The following SLC25A32 variants were observed in gnomAD, a reference collection of about 807,000 sequenced individuals.
The protein encoded by SLC25A32 is Glycine auxotroph B, complementation of hamster.
Under a neutral mutation model 39.0 loss-of-function variants are expected in SLC25A32, and 32 were observed. The ratio of observed to expected loss-of-function variants is 0.82; its 90% CI spans 0.62 to 1.10. SLC25A32 has a LOEUF of 1.10. Ranked by LOEUF, SLC25A32 falls within the 50% of genes least tolerant of loss-of-function variation. The pLI, the probability that SLC25A32 is intolerant of heterozygous loss-of-function variation, is 0.00. For synonymous variants in SLC25A32, 166 were observed against 152.4 expected (o/e 1.09, Z -0.66); for missense variants, 367 against 395.3 (o/e 0.93, Z 0.61).
intron 1 of SLC25A32, 67 bp downstream of exon 1, chr8:103,414,717 A>G (rs774888842): frequency 5.6e-5 from 89 of 1,600,516 alleles, no homozygotes; most frequent in Middle Eastern, 3.3e-4. Flanking sequence ...AGAACGGAAA[A>G]GACGGAGGAG....
intron 6 of SLC25A32, among the ~76,000 whole-genome samples, chr8:103,400,960 C>T (rs751005797): frequency 9.2e-5 from 14 of 152,106 alleles, no homozygotes; most frequent in Non-Finnish European, 1.5e-4. Flanking sequence ...GGAATACGGC[C>T]TAGAAATTTG....
chr8:103,399,593 C>G lies in SLC25A32; in HGVS notation c.*818G>C, dbSNP rs931550629. The G allele has an allele frequency of 3.3e-5, 5 of 152,196 alleles. No individual in the cohort carries two copies. Among genetic ancestry groups the G allele is most frequent in the Non-Finnish European group, 7.3e-5 (5 of 68,048 alleles). 9.4% of individuals were successfully genotyped at this position (152,196 alleles called of 1,614,324 possible). The stretch of plus-strand genomic sequence containing the variant: ...CATATTTACAGTGCATTTTTTCTCA[C>G]TAAAATTTCCCAATTCTAAAATGGT... On this transcript the variant is annotated 3_prime_UTR_variant, in exon 7 of 7. Coordinates refer to ENST00000297578, the MANE Select transcript of SLC25A32 (RefSeq NM_030780.5).
intron 4 of SLC25A32, 42 bp downstream of exon 4, chr8:103,403,122 T>C: frequency 7.0e-7 from 1 of 1,424,918 alleles, no homozygotes; most frequent in Non-Finnish European, 9.5e-7. Flanking sequence ...CAACGGAAAT[T>C]CAAATTTTTC....
intron 2 of SLC25A32, among the ~76,000 whole-genome samples, chr8:103,407,267 C>T (rs985242868): frequency 3.3e-5 from 5 of 152,172 alleles, no homozygotes; most frequent in Non-Finnish European, 7.3e-5. Context: ...ATTTAGCTTA[C>T]AAAAGTAATC....
chr8:103,407,525 G>C, intron 2 of SLC25A32, 109 bp downstream of exon 2: 2 of 912,004 alleles, frequency 2.2e-6, no homozygotes, highest in Non-Finnish European at 3.2e-6. Flanking sequence ...CCAATTCAGA[G>C]AAACTGATTA....
At chr8:103,405,612 C>T (rs966409784) in intron 2 of SLC25A32, among the ~76,000 whole-genome samples, 10 of 151,694 alleles carry the variant, frequency 6.6e-5, no homozygotes, top group African/African-American at 1.9e-4. Context: ...CCTTTAATGC[C>T]GATTTCTACT....
intron 6 of SLC25A32, among the ~76,000 whole-genome samples, chr8:103,400,924 C>T (rs1286656165): frequency 3.3e-5 from 5 of 152,160 alleles, no homozygotes; most frequent in Non-Finnish European, 7.4e-5. Flanking sequence ...AAATATAAAA[C>T]TTTATTTCCT....
Position 103,404,788 on chromosome 8 carries a change from C to A in SLC25A32, c.379G>T (p.Ala127Ser). The change falls in exon 3 of 7, where the codon GCT (alanine) becomes TCT (serine). Residue 127 changes from alanine to serine, a missense_variant. Coordinates refer to ENST00000297578, the MANE Select transcript of SLC25A32 (RefSeq NM_030780.5). ...RLEATEYLVS[A>S]AEAGAMTLCI... is the part of the protein sequence containing the mutation. ...CACATTGCCTTACCAGCTTCAGCAG[C>A]TGAGACAAGGTATTCTGTTGCCTCT... The A allele has an allele frequency of 1.2e-6, 2 of 1,611,922 alleles. No individual in the cohort carries two copies. The highest frequency in any genetic ancestry group is 1.7e-6 in the Non-Finnish European group (2 of 1,178,280).
At chr8:103,407,810 G>A in intron 1 of SLC25A32, 26 bp from the exon 2 acceptor site, 3 of 1,603,304 alleles carry the variant, frequency 1.9e-6, no homozygotes, top group Non-Finnish European at 2.6e-6. Flanking sequence ...CACAAAGTCA[G>A]GTAAGAACAA....
In SLC25A32 at chr8:103,403,198, A is replaced by AAT; in HGVS notation, c.517_518insAT (p.Ile173AsnfsTer35). On this transcript the variant is annotated frameshift_variant, in exon 4 of 7. Transcript: ENST00000297578. LOFTEE classifies it high-confidence loss of function. ...TCCACGCACACCTTCATACTTATAT[A>AAT]TTTTCACAAGTGTATCAAACATTCC... 6.2e-7 allele frequency: 1 copy of AAT among 1,611,106 alleles called. No homozygotes were observed. Among genetic ancestry groups the AAT allele is most frequent in the Non-Finnish European group, 8.5e-7 (1 of 1,177,738 alleles).
intron 6 of SLC25A32, among the ~76,000 whole-genome samples, chr8:103,401,074 G>A (rs1816209278): frequency 6.6e-6 from 1 of 152,118 alleles, no homozygotes; most frequent in Non-Finnish European, 1.5e-5. Flanking sequence ...GGTGATGTCT[G>A]CCTATAATAA....
intron 1 of SLC25A32, among the ~76,000 whole-genome samples, chr8:103,412,019 G>GT (rs1157081905): frequency 3.3e-5 from 5 of 152,202 alleles, no homozygotes; most frequent in Non-Finnish European, 7.3e-5. Flanking sequence ...GCAACCCTGA[G>GT]TAAGTCACTT....
At chr8:103,412,656 A>T (rs1033409004) in intron 1 of SLC25A32, among the ~76,000 whole-genome samples, 18 of 152,140 alleles carry the variant, frequency 1.2e-4, no homozygotes, top group African/African-American at 4.1e-4. Context: ...TCCCACATGT[A>T]AGTTCTCTAA....
intron 1 of SLC25A32, among the ~76,000 whole-genome samples, chr8:103,412,966 T>G (rs1352826429): frequency 6.6e-6 from 1 of 150,816 alleles, no homozygotes; most frequent in African/African-American, 2.5e-5. Flanking sequence ...GTTATTCATC[T>G]TCTTAAGTTT....
At chr8:103,401,069 T>C (rs1816209172) in intron 6 of SLC25A32, among the ~76,000 whole-genome samples, 1 of 152,246 alleles carries the variant, frequency 6.6e-6, no homozygotes, top group Non-Finnish European at 1.5e-5. Flanking sequence ...AATATGGTGA[T>C]GTCTGCCTAT....
At chr8:103,410,626 A>G (rs3133815) in intron 1 of SLC25A32, among the ~76,000 whole-genome samples, 34,537 of 152,110 alleles carry the variant, frequency 0.23, 4,036 homozygotes, top group East Asian at 0.34. Flanking sequence ...CAAAAAGGTT[A>G]GGGACCACTG....
intron 1 of SLC25A32, among the ~76,000 whole-genome samples, chr8:103,411,082 A>C (rs1816454105): frequency 6.6e-6 from 1 of 152,054 alleles, no homozygotes; most frequent in African/African-American, 2.4e-5. Context: ...GAAAACAAAT[A>C]TAAATGACAT....
At chr8:103,405,638 G>A (rs1176115477) in intron 2 of SLC25A32, among the ~76,000 whole-genome samples, 9 of 151,900 alleles carry the variant, frequency 5.9e-5, no homozygotes, top group African/African-American at 1.9e-4. Context: ...CTTGGATGAC[G>A]ATGTCAAGTG....
At chr8:103,404,641 G>A in intron 3 of SLC25A32, 135 bp downstream of exon 3, 5 of 541,762 alleles carry the variant, frequency 9.2e-6, no homozygotes, top group South Asian at 2.9e-5. Context: ...AAAAAAAACA[G>A]AAATTCCATG....
Sources: allele counts gnomAD v4.1 joint callset (sites outside exome capture counted in the v4.1 genomes callset), GRCh38; gene constraint gnomAD v4.1.1; transcripts MANE v1.5; gene names NCBI Gene and HGNC (gene_info 2026-07-23, HGNC 2026-07-21).